PTPRD: variants seen among roughly 807,000 people sequenced by gnomAD.
PTPRD encodes the protein receptor-type tyrosine-protein phosphatase delta.
A neutral mutation model predicts 214.5 loss-of-function variants in PTPRD; 34 were observed. That is an observed-to-expected ratio of 0.16 (90% CI 0.12 to 0.21). The LOEUF is 0.21. PTPRD is among the 10% of genes least tolerant of loss of function. PTPRD has a pLI of 1.00. For missense variants in PTPRD, 2,545 were observed against 2,398.7 expected (o/e 1.06, Z -1.27); for synonymous variants, 1,128 against 845.7 (o/e 1.33, Z -5.79).
intron 11 of PTPRD, among the ~76,000 whole-genome samples, chr9:8,926,992 AC>A (rs2098901684): frequency 6.6e-6 from 1 of 152,168 alleles, no homozygotes; most frequent in African/African-American, 2.4e-5. Context: ...AAAGGGAACT[AC>A]AAAATCATGT....
At chr9:9,388,823 A>G (rs1352046508) in intron 9 of PTPRD, among the ~76,000 whole-genome samples, 1 of 152,230 alleles carries the variant, frequency 6.6e-6, no homozygotes, top group East Asian at 1.9e-4. Context: ...CTCAGAAAGA[A>G]TAAATAATAA....
chr9:10,285,823 A>G (rs998269189), intron 3 of PTPRD, among the ~76,000 whole-genome samples: 1 of 151,644 alleles, frequency 6.6e-6, no homozygotes, highest in African/African-American at 2.4e-5. Context: ...GTTAGCCAGG[A>G]TGGTTTCGAT....
intron 5 of PTPRD, among the ~76,000 whole-genome samples, chr9:9,794,390 G>C (rs377599936): frequency 6.6e-6 from 1 of 152,116 alleles, no homozygotes; most frequent in African/African-American, 2.4e-5. Context: ...AAAAACATGA[G>C]TAATATAGTG....
chr9:9,798,861 T>G, intron 5 of PTPRD, among the ~76,000 whole-genome samples: 1 of 152,150 alleles, frequency 6.6e-6, no homozygotes, highest in East Asian at 1.9e-4. Context: ...TCACCCAAAT[T>G]ACCAAAGCAT....
chr9:9,249,069 G>C (rs1166218162), intron 9 of PTPRD, among the ~76,000 whole-genome samples: 2 of 152,062 alleles, frequency 1.3e-5, no homozygotes, highest in Non-Finnish European at 2.9e-5. Context: ...GGCCCAGTGG[G>C]AGGTGTTTGG....
At chr9:8,783,439 G>C (rs993828002) in intron 11 of PTPRD, among the ~76,000 whole-genome samples, 1 of 152,204 alleles carries the variant, frequency 6.6e-6, no homozygotes, top group African/African-American at 2.4e-5. Flanking sequence ...ATGCTGTACT[G>C]AAGTTTTATA....
At chr9:9,141,217 C>G (rs549293701) in intron 10 of PTPRD, among the ~76,000 whole-genome samples, 1 of 145,764 alleles carries the variant, frequency 6.9e-6, no homozygotes, top group African/African-American at 2.5e-5. Flanking sequence ...TCCCTCCCTC[C>G]CCCTTCTCTC....
chr9:9,769,317 C>CAT, intron 5 of PTPRD, among the ~76,000 whole-genome samples: 1 of 69,606 alleles, frequency 1.4e-5, no homozygotes, highest in Middle Eastern at 0.014. Context: ...ACCAGAAGCC[C>CAT]TTTTTTTTTT....
At chr9:10,569,343 T>C (rs1239612028) in intron 2 of PTPRD, among the ~76,000 whole-genome samples, 1 of 152,146 alleles carries the variant, frequency 6.6e-6, no homozygotes, top group Non-Finnish European at 1.5e-5. Context: ...TAGTGCTCAA[T>C]TTTAAAACCT....
At chr9:10,031,756 T>C (rs1052273410) in intron 4 of PTPRD, among the ~76,000 whole-genome samples, 1 of 151,172 alleles carries the variant, frequency 6.6e-6, no homozygotes, top group Admixed American at 6.6e-5. Context: ...GAGCCTATTT[T>C]TTTTATGGAG....
chr9:10,109,311 G>A (rs72694879), intron 3 of PTPRD, among the ~76,000 whole-genome samples: 5,621 of 152,256 alleles, frequency 0.037, 188 homozygotes, highest in Admixed American at 0.092. Flanking sequence ...GTTACAGTCA[G>A]TAAAGAAACG....
At position 8,504,395 on chromosome 9, in the gene PTPRD, G is replaced by A. The variant is rs2097491692; in HGVS notation, c.1688C>T (p.Thr563Ile). ...DGEHGEEQRI[T>I]IEPGTSYRLQ... ...CCTATATGATGTCCCTGGCTCAATGGTAATTCGTTGCTGGAAGCAATAAGA... is the reference window on the plus strand; with the variant it reads ...CCTATATGATGTCCCTGGCTCAATGATAATTCGTTGCTGGAAGCAATAAGA... The change falls in exon 23 of 46, where the codon ACC (threonine) becomes ATC (isoleucine). Residue 563 changes from threonine to isoleucine, a missense_variant. By Grantham distance (89) the Thr-to-Ile change is moderately conservative (BLOSUM62 -1). Coordinates refer to ENST00000381196, the MANE Select transcript of PTPRD (RefSeq NM_002839.4). 1.2e-6 allele frequency: 2 copies of A among 1,613,884 alleles called. No individual in the cohort carries two copies. Among genetic ancestry groups the A allele is most frequent in the Non-Finnish European group, 1.7e-6 (2 of 1,179,970 alleles).
chr9:8,976,667 T>A (rs1314029688), intron 11 of PTPRD, among the ~76,000 whole-genome samples: 1 of 152,136 alleles, frequency 6.6e-6, no homozygotes, highest in Non-Finnish European at 1.5e-5. Flanking sequence ...CTGGGAAATC[T>A]AACCATTGAT....
At chr9:9,131,742 A>G (rs1402657079) in intron 10 of PTPRD, among the ~76,000 whole-genome samples, 1 of 152,236 alleles carries the variant, frequency 6.6e-6, no homozygotes, top group Non-Finnish European at 1.5e-5. Flanking sequence ...ATGAATAGCC[A>G]ATTCAAATAT....
intron 14 of PTPRD, among the ~76,000 whole-genome samples, chr9:8,619,700 T>C (rs1000388615): frequency 6.6e-6 from 1 of 151,896 alleles, no homozygotes; most frequent in East Asian, 1.9e-4. Flanking sequence ...TCAAGGACGA[T>C]GACTAAATAA....
chr9:9,302,776 T>C (rs1569567192), intron 9 of PTPRD, among the ~76,000 whole-genome samples: 1 of 151,758 alleles, frequency 6.6e-6, no homozygotes, highest in Non-Finnish European at 1.5e-5. Flanking sequence ...TCCTCATTAT[T>C]TTTTTAACTA....
chr9:8,868,263 G>A (rs982032785), intron 11 of PTPRD, among the ~76,000 whole-genome samples: 1 of 152,114 alleles, frequency 6.6e-6, no homozygotes, highest in Non-Finnish European at 1.5e-5. Context: ...AGAGTGGCAC[G>A]ATCTCAGCTA....
At chr9:9,352,621 T>G (rs1235296561) in intron 9 of PTPRD, among the ~76,000 whole-genome samples, 3 of 151,750 alleles carry the variant, frequency 2.0e-5, no homozygotes, top group Non-Finnish European at 4.4e-5. Flanking sequence ...CCTAACACAC[T>G]CAGAGAAGAA....
intron 10 of PTPRD, among the ~76,000 whole-genome samples, chr9:9,067,535 C>A (rs1242602021): frequency 1.3e-5 from 2 of 152,116 alleles, no homozygotes; most frequent in African/African-American, 4.8e-5. Flanking sequence ...CTCTTCTTGG[C>A]AGGTACTTAT....
Sources: allele counts gnomAD v4.1 joint callset (sites outside exome capture counted in the v4.1 genomes callset), GRCh38; gene constraint gnomAD v4.1.1; transcripts MANE v1.5; gene names NCBI Gene and HGNC (gene_info 2026-07-23, HGNC 2026-07-21).